KIAA1217: variants seen among roughly 807,000 people sequenced by gnomAD.
KIAA1217 encodes the protein sickle tail protein homolog.
KIAA1217 carries 88 observed loss-of-function variants against 163.9 expected under a neutral mutation model. The observed-to-expected ratio is 0.54, with a 90% CI of 0.45 to 0.64. KIAA1217 has a LOEUF of 0.64. KIAA1217 is among the 30% of genes least tolerant of loss of function. The pLI is 0.00. For missense variants in KIAA1217, 2,372 were observed against 2,475.0 expected (o/e 0.96, Z 0.88); for synonymous variants, 903 against 923.1 (o/e 0.98, Z 0.39).
intron 1 of KIAA1217, among the ~76,000 whole-genome samples, chr10:23,842,975 G>A (rs1008212751): frequency 2.0e-4 from 31 of 152,140 alleles, no homozygotes; most frequent in Admixed American, 6.6e-5. Flanking sequence ...TATTATCTTG[G>A]TTTTGAGAGT....
chr10:23,961,001 T>C (rs1191488392), intron 1 of KIAA1217, among the ~76,000 whole-genome samples: 1 of 152,208 alleles, frequency 6.6e-6, no homozygotes, highest in Non-Finnish European at 1.5e-5. Flanking sequence ...GATTATAAAT[T>C]ATAAAATTTT....
chr10:23,813,413 A>G (rs1837167386), intron 1 of KIAA1217, among the ~76,000 whole-genome samples: 1 of 151,690 alleles, frequency 6.6e-6, no homozygotes, highest in Non-Finnish European at 1.5e-5. Context: ...ATGCACATAA[A>G]CCTTGTCCTG....
At chr10:24,133,559 G>A (rs1333895151) in intron 2 of KIAA1217, among the ~76,000 whole-genome samples, 2 of 148,464 alleles carry the variant, frequency 1.3e-5, no homozygotes, top group African/African-American at 5.0e-5. Flanking sequence ...GCGACAGAGC[G>A]AGACTGTGTC....
intron 1 of KIAA1217, among the ~76,000 whole-genome samples, chr10:23,719,693 C>T (rs941924606): frequency 1.3e-5 from 2 of 151,922 alleles, no homozygotes; most frequent in Admixed American, 6.6e-5. Flanking sequence ...CCAAGGCAGG[C>T]GGATCACAAT....
At chr10:24,056,368 A>G (rs892314029) in intron 2 of KIAA1217, among the ~76,000 whole-genome samples, 3 of 152,130 alleles carry the variant, frequency 2.0e-5, no homozygotes, top group African/African-American at 4.8e-5. Flanking sequence ...TGTTGACACC[A>G]TCAGGGATGA....
chr10:24,289,755 G>C (rs2078915735), intron 2 of KIAA1217, among the ~76,000 whole-genome samples: 1 of 152,098 alleles, frequency 6.6e-6, no homozygotes, highest in Non-Finnish European at 1.5e-5. Context: ...GTAATGACCA[G>C]CAACACAGTG....
intron 2 of KIAA1217, among the ~76,000 whole-genome samples, chr10:24,259,484 A>G (rs1430576398): frequency 6.6e-6 from 1 of 152,086 alleles, no homozygotes; most frequent in Non-Finnish European, 1.5e-5. Context: ...CTGTGGTGGT[A>G]TGTGCTTGTG....
intron 2 of KIAA1217, among the ~76,000 whole-genome samples, chr10:24,125,752 G>C (rs1446396499): frequency 6.6e-6 from 1 of 152,018 alleles, no homozygotes; most frequent in Non-Finnish European, 1.5e-5. Flanking sequence ...CAAAGAAACA[G>C]TTTTCAGTTT....
chr10:24,144,955 G>A (rs1488895616), intron 2 of KIAA1217, among the ~76,000 whole-genome samples: 1 of 152,168 alleles, frequency 6.6e-6, no homozygotes, highest in African/African-American at 2.4e-5. Context: ...ATTTACAACT[G>A]CCAAATGGTC....
intron 6 of KIAA1217, among the ~76,000 whole-genome samples, chr10:24,488,723 A>G (rs1343106236): frequency 6.6e-6 from 1 of 152,078 alleles, no homozygotes; most frequent in Non-Finnish European, 1.5e-5. Flanking sequence ...AACAGTCTTT[A>G]ATTACTTTGG....
At chr10:23,727,268 T>C (rs577279722) in intron 1 of KIAA1217, among the ~76,000 whole-genome samples, 2 of 152,100 alleles carry the variant, frequency 1.3e-5, no homozygotes, top group Admixed American at 1.3e-4. Flanking sequence ...TTTCTAAAAA[T>C]AAAATTGTTA....
chr10:24,205,962 G>C (rs759576490), upstream of KIAA1217, among the ~76,000 whole-genome samples: 1 of 152,112 alleles, frequency 6.6e-6, no homozygotes, highest in African/African-American at 2.4e-5. Context: ...GTTCTGTAAC[G>C]GGTTAGCTAT....
intron 1 of KIAA1217, among the ~76,000 whole-genome samples, chr10:23,710,027 C>T (rs898756764): frequency 2.0e-5 from 3 of 152,322 alleles, no homozygotes; most frequent in African/African-American, 4.8e-5. Flanking sequence ...CTGTGTGTTA[C>T]TTACTTTCAT....
chr10:24,182,333 G>T (rs1409047615), intron 2 of KIAA1217, among the ~76,000 whole-genome samples: 8 of 152,096 alleles, frequency 5.3e-5, no homozygotes, highest in African/African-American at 1.9e-4. Context: ...CTACGCGGGA[G>T]GCTAAGGCAG....
intron 1 of KIAA1217, among the ~76,000 whole-genome samples, chr10:23,816,342 G>A (rs1440594234): frequency 6.6e-6 from 1 of 152,138 alleles, no homozygotes; most frequent in Non-Finnish European, 1.5e-5. Context: ...GCCCAGGCTG[G>A]AGTGCAGTGG....
intron 2 of KIAA1217, among the ~76,000 whole-genome samples, chr10:24,017,572 C>G (rs1847542084): frequency 6.6e-6 from 1 of 152,044 alleles, no homozygotes. Context: ...CTATAATTTT[C>G]CATTTAAACA....
At chr10:24,162,069 T>C (rs576372568) in intron 2 of KIAA1217, among the ~76,000 whole-genome samples, 1 of 152,232 alleles carries the variant, frequency 6.6e-6, no homozygotes, top group African/African-American at 2.4e-5. Flanking sequence ...CACAAATAAA[T>C]CCCACTCCCC....
intron 6 of KIAA1217, chr10:24,483,077 G>A (rs1396203483): frequency 6.6e-6 from 1 of 151,248 alleles, no homozygotes; most frequent in Non-Finnish European, 1.5e-5. Context: ...TGTATCACCA[G>A]TAAATACTTC....
chr10:24,135,937 GA>G (rs1207811495), intron 2 of KIAA1217, among the ~76,000 whole-genome samples: 2 of 152,192 alleles, frequency 1.3e-5, no homozygotes, highest in African/African-American at 4.8e-5. Flanking sequence ...CTTTCATGCT[GA>G]AAACAGGAGA....
Sources: gnomAD v4.1 joint callset for allele counts (sites outside exome capture counted in the v4.1 genomes callset) on GRCh38, gnomAD v4.1.1 for gene constraint, MANE v1.5 for transcripts, NCBI Gene and HGNC (gene_info 2026-07-23, HGNC 2026-07-21) for gene names.